Variants in COBL observed in about 807,000 individuals in gnomAD.
COBL encodes protein cordon-bleu.
COBL carries 51 observed loss-of-function variants against 98.8 expected under a neutral mutation model. The observed-to-expected ratio is 0.52, with a 90% CI of 0.41 to 0.65. The LOEUF (loss-of-function observed/expected upper bound fraction) is 0.65, where lower values mean the gene tolerates loss of function less well. Ranked by LOEUF, COBL falls within the 30% of genes least tolerant of loss-of-function variation. COBL has a pLI of 0.00. For synonymous variants in COBL, 634 were observed against 651.7 expected (o/e 0.97, Z 0.41); for missense variants, 1,617 against 1,617.5 (o/e 1.00, Z 0.01).
intron 7 of COBL, among the ~76,000 whole-genome samples, chr7:51,074,812 C>A (rs188182686): frequency 7.9e-5 from 12 of 152,224 alleles, no homozygotes; most frequent in Non-Finnish European, 1.3e-4. Flanking sequence ...GTAACCAGCT[C>A]TTTGGAGGAA....
At chr7:51,035,974 T>G (rs1204729135) in intron 8 of COBL, 1 of 152,210 alleles carries the variant, frequency 6.6e-6, no homozygotes, top group Non-Finnish European at 1.5e-5. Flanking sequence ...TCTCTCTGTA[T>G]CTGAGGAAAG....
intron 5 of COBL, among the ~76,000 whole-genome samples, chr7:51,137,702 G>C (rs1258059274): frequency 6.6e-6 from 1 of 152,154 alleles, no homozygotes; most frequent in Non-Finnish European, 1.5e-5. Context: ...TGAACTCAAT[G>C]AAGACAGTAA....
intron 1 of COBL, among the ~76,000 whole-genome samples, chr7:51,241,888 G>C (rs1195308789): frequency 6.6e-6 from 1 of 152,176 alleles, no homozygotes; most frequent in Admixed American, 6.5e-5. Context: ...GGAGAGTAAT[G>C]TCTGGAGACA....
At chr7:51,200,623 G>A (rs1196709436) in intron 2 of COBL, among the ~76,000 whole-genome samples, 5 of 152,040 alleles carry the variant, frequency 3.3e-5, no homozygotes, top group African/African-American at 9.7e-5. Context: ...ATACACACAC[G>A]ATGTACAGTA....
chr7:51,192,072 G>A (rs1302947132), intron 3 of COBL, among the ~76,000 whole-genome samples: 2 of 152,162 alleles, frequency 1.3e-5, no homozygotes, highest in Admixed American at 6.5e-5. Flanking sequence ...AAGACGCAAG[G>A]TATATACAGA....
At chr7:51,273,346 A>AT (rs1411192484) in intron 1 of COBL, among the ~76,000 whole-genome samples, 3 of 151,384 alleles carry the variant, frequency 2.0e-5, no homozygotes, top group Non-Finnish European at 2.9e-5. Flanking sequence ...AAAAAAAAAA[A>AT]GAAAAAGAAA....
At chr7:51,264,647 G>A (rs970061849) in intron 1 of COBL, among the ~76,000 whole-genome samples, 2 of 144,696 alleles carry the variant, frequency 1.4e-5, no homozygotes, top group African/African-American at 2.6e-5. Flanking sequence ...CTCCAGCCTG[G>A]GTGACAGAGC....
At chr7:51,272,963 AC>A (rs998959077) in intron 1 of COBL, among the ~76,000 whole-genome samples, 2 of 150,176 alleles carry the variant, frequency 1.3e-5, no homozygotes, top group African/African-American at 4.8e-5. Context: ...AACAACAACA[AC>A]AACAACAACA....
At chr7:51,137,794 T>G (rs1417468682) in intron 5 of COBL, among the ~76,000 whole-genome samples, 1 of 152,160 alleles carries the variant, frequency 6.6e-6, no homozygotes, top group Non-Finnish European at 1.5e-5. Flanking sequence ...TCAGTCAACC[T>G]TCCTGAGACA....
Position 51,139,813 on chromosome 7 carries a change from CG to C in COBL, c.784-3483del, listed in dbSNP as rs139810922. 3.6e-3 allele frequency among the ~76,000 whole-genome samples: 542 copies of C among 152,230 alleles called. 6 individuals are homozygous for C. The highest frequency in any genetic ancestry group is 0.012 in the African/African-American group (493 of 41,546). On this transcript the variant is annotated intron_variant, in intron 5 of 12. Coordinates refer to ENST00000265136, the MANE Select transcript of COBL (RefSeq NM_015198.5). Reference sequence around the variant, plus strand: ...TTTAAAGTCCTGACTCATATCAATACGAAGTCAAAGGGAAAACCAAGAGCTT... The same window carrying C: ...TTTAAAGTCCTGACTCATATCAATACAAGTCAAAGGGAAAACCAAGAGCTT...
intron 1 of COBL, among the ~76,000 whole-genome samples, chr7:51,295,731 C>T (rs1801365480): frequency 6.6e-6 from 1 of 152,188 alleles, no homozygotes; most frequent in Non-Finnish European, 1.5e-5. Flanking sequence ...CCATCAAAGC[C>T]CAAGAACTTG....
chr7:51,087,777 CCTT>C (rs1329728147), intron 6 of COBL, among the ~76,000 whole-genome samples: 1 of 108,624 alleles, frequency 9.2e-6, no homozygotes, highest in Non-Finnish European at 1.8e-5. Flanking sequence ...CCCGGCCCCG[CCTT>C]TTTTTTTTTT....
At chr7:51,162,046 G>C (rs1190259425) in intron 5 of COBL, among the ~76,000 whole-genome samples, 1 of 152,154 alleles carries the variant, frequency 6.6e-6, no homozygotes, top group African/African-American at 2.4e-5. Flanking sequence ...GTGTGACTTA[G>C]GAAACAGAGA....
At chr7:51,041,782 C>T (rs17134137) in intron 8 of COBL, among the ~76,000 whole-genome samples, 11,290 of 152,118 alleles carry the variant, frequency 0.074, 1,312 homozygotes, top group African/African-American at 0.25. Flanking sequence ...CTGCACCCAG[C>T]CCATTTTACC....
At chr7:51,159,270 G>T (rs905924651) in intron 5 of COBL, among the ~76,000 whole-genome samples, 1 of 152,218 alleles carries the variant, frequency 6.6e-6, no homozygotes, top group Non-Finnish European at 1.5e-5. Context: ...TGGGCCAGGT[G>T]ACAAGGCCAG....
chr7:51,242,195 T>C (rs957096879), intron 1 of COBL, among the ~76,000 whole-genome samples: 12 of 152,236 alleles, frequency 7.9e-5, no homozygotes, highest in South Asian at 4.1e-4. Flanking sequence ...CAGCCTCTGA[T>C]TGGTCCCCTC....
At chr7:51,214,083 T>A (rs1792761106) in intron 2 of COBL, among the ~76,000 whole-genome samples, 1 of 151,958 alleles carries the variant, frequency 6.6e-6, no homozygotes, top group Non-Finnish European at 1.5e-5. Flanking sequence ...CTGGCCAACA[T>A]GGTGAAACCC....
intron 8 of COBL, among the ~76,000 whole-genome samples, chr7:51,040,673 C>T (rs959284172): frequency 1.3e-5 from 2 of 152,130 alleles, no homozygotes; most frequent in African/African-American, 4.8e-5. Flanking sequence ...TGGTAAGATT[C>T]CATTGTAGGT....
intron 1 of COBL, among the ~76,000 whole-genome samples, chr7:51,229,371 C>T (rs1794514783): frequency 6.6e-6 from 1 of 152,220 alleles, no homozygotes; most frequent in Non-Finnish European, 1.5e-5. Context: ...GTTCACAAAC[C>T]CTCCAAGCCT....
Sources: gnomAD v4.1 joint callset for allele counts (sites outside exome capture counted in the v4.1 genomes callset) on GRCh38, gnomAD v4.1.1 for gene constraint, MANE v1.5 for transcripts, NCBI Gene and HGNC (gene_info 2026-07-23, HGNC 2026-07-21) for gene names.